Variants in EFHC1 observed in about 807,000 individuals in gnomAD.
EFHC1 encodes EF-hand domain containing 1.
In EFHC1, 53 loss-of-function variants were observed where a neutral mutation model predicts 69.9. That is an observed-to-expected ratio of 0.76 (90% CI 0.61 to 0.95). EFHC1 has a LOEUF of 0.95. EFHC1 is among the 40% of genes least tolerant of loss of function. EFHC1 has a pLI of 0.00. For missense variants in EFHC1, 739 were observed against 798.7 expected, an observed-to-expected ratio of 0.93 and a Z score of 0.90; for synonymous variants, 256 against 278.4, an observed-to-expected ratio of 0.92 and a Z score of 0.80.
intron 1 of EFHC1, chr6:52,423,695 G>A: frequency 3.3e-5 from 9 of 273,562 alleles, no homozygotes; most frequent in East Asian, 6.6e-5. Context: ...AGTTTTTGTA[G>A]AGACAGCATC....
chr6:52,452,862 G>A (rs1474712788), intron 4 of EFHC1, 25 bp downstream of exon 4: 1 of 1,613,804 alleles, frequency 6.2e-7, no homozygotes, highest in Non-Finnish European at 8.5e-7. Flanking sequence ...AACCACAATA[G>A]GCTTACTTAT....
In EFHC1 at chr6:52,479,667, A is replaced by G; in HGVS notation, c.1520A>G (p.Asp507Gly). ...TTTGGTCACCGGTTCATCATCCTTG[A>G]TACAGACGAGTATGTTTTGAAATAC... The part of the protein sequence containing the change: ...EVFGHRFIIL[D>G]TDEYVLKYME... Residue 507 changes from aspartate to glycine, a missense_variant, in exon 9 of 11, where the codon GAT (aspartate) becomes GGT (glycine). Asp to Gly is a moderately conservative substitution (Grantham distance 94, BLOSUM62 -1). Coordinates refer to ENST00000371068, the MANE Select transcript of EFHC1 (RefSeq NM_018100.4). The G allele has an allele frequency of 6.2e-7, 1 of 1,614,154 alleles. No homozygotes were observed. The highest frequency in any genetic ancestry group is 8.5e-7 in the Non-Finnish European group (1 of 1,180,034).
chr6:52,490,060 C>A, intron 9 of EFHC1, 80 bp from the exon 10 acceptor site: 1 of 1,313,266 alleles, frequency 7.6e-7, no homozygotes, highest in Non-Finnish European at 1.1e-6. Flanking sequence ...CTGATTTCAT[C>A]AAGTAAGAAC....
At chr6:52,475,516 A>G (rs1765527240) in intron 7 of EFHC1, among the ~76,000 whole-genome samples, 1 of 152,232 alleles carries the variant, frequency 6.6e-6, no homozygotes, top group Non-Finnish European at 1.5e-5. Context: ...AAGAACAGAA[A>G]CATGATTTGA....
intron 3 of EFHC1, among the ~76,000 whole-genome samples, chr6:52,450,600 GT>G (rs1448364273): frequency 6.6e-6 from 1 of 151,996 alleles, no homozygotes; most frequent in Non-Finnish European, 1.5e-5. Context: ...TTTAAAGTCT[GT>G]TTTGTCTGAA....
rs938944025 is a variant in EFHC1 at position 52,494,039 on chromosome 6, G to A, written c.*1698G>A. 3 of 453,046 alleles carry A rather than the reference G, an allele frequency of 6.6e-6. No homozygotes were observed. The highest frequency in any genetic ancestry group is 6.1e-5 in the African/African-American group (3 of 49,576). 28.1% of individuals were successfully genotyped at this position (453,046 alleles called of 1,614,324 possible). On this transcript the variant is annotated 3_prime_UTR_variant, in exon 11 of 11. Transcript: ENST00000371068. Reference sequence around the variant, plus strand: ...GGTTATTATCTTGGGAATAACCCATGTTTTGTTTTGTTTTACCCTCAGTCG... The same window carrying A: ...GGTTATTATCTTGGGAATAACCCATATTTTGTTTTGTTTTACCCTCAGTCG...
rs1232095724 is a variant in EFHC1 at position 52,495,779 on chromosome 6, T to G, written c.*3438T>G. ...TAAAGTTGGCACTGTCCACATACACTCCTTAAGTTTGCTGTCCACTTCTTG... is the reference window on the plus strand; with the variant it reads ...TAAAGTTGGCACTGTCCACATACACGCCTTAAGTTTGCTGTCCACTTCTTG... On this transcript the variant is annotated 3_prime_UTR_variant, in exon 11 of 11. Transcript: ENST00000371068. 2.8e-6 allele frequency: 1 copy of G among 358,072 alleles called. No homozygotes were observed. Among genetic ancestry groups the G allele is most frequent in the South Asian group, 2.2e-5 (1 of 46,278 alleles). 22.2% of individuals were successfully genotyped at this position (358,072 alleles called of 1,614,324 possible). A position where few individuals can be genotyped will look rare whatever the true frequency, so the allele number is the denominator to read the frequency against.
rs766568639 is a variant in EFHC1, at chr6:52,464,938, G to A, written c.960G>A (p.Val320=). Residue 320 remains valine (V), a synonymous_variant, in exon 6 of 11, where the codon GTG becomes GTA. Coordinates refer to ENST00000371068, the MANE Select transcript of EFHC1 (RefSeq NM_018100.4). Reference sequence around the variant, plus strand: ...TGCTAGAAATCTCTGACCAAGAAGTGTTGGAATGGTATACTGCTAAAGACT... The same window carrying A: ...TGCTAGAAATCTCTGACCAAGAAGTATTGGAATGGTATACTGCTAAAGACT... The part of the protein sequence containing the change: ...QCVLEISDQE[V]LEWYTAKDFI... 6 of 1,614,026 alleles carry A rather than the reference G, an allele frequency of 3.7e-6. No individual in the cohort carries two copies. Among genetic ancestry groups the A allele is most frequent in the Non-Finnish European group, 4.2e-6 (5 of 1,180,016 alleles).
intron 5 of EFHC1, among the ~76,000 whole-genome samples, chr6:52,462,992 TAA>T (rs1216506720): frequency 6.6e-6 from 1 of 151,194 alleles, no homozygotes; most frequent in African/African-American, 2.4e-5. Flanking sequence ...GTAAAATGAG[TAA>T]AGTTTTTTTT....
chr6:52,454,827 C>A (rs1349458057), intron 5 of EFHC1, among the ~76,000 whole-genome samples: 1 of 152,172 alleles, frequency 6.6e-6, no homozygotes, highest in Non-Finnish European at 1.5e-5. Flanking sequence ...CATGATGGCT[C>A]ACTCCTGTAA....
In EFHC1 at chr6:52,493,295, G is replaced by C. The variant is rs1211533318; in HGVS notation, c.*954G>C. On this transcript the variant is annotated 3_prime_UTR_variant, in exon 11 of 11. Transcript: ENST00000371068. ...CTCCAGCTTGCCAATTTACCCTGCA[G>C]ATCTTGGGACTTGTAAGCCTTCATA... 2 of 448,342 alleles carry C rather than the reference G, an allele frequency of 4.5e-6. No homozygotes were observed. The highest frequency in any genetic ancestry group is 1.6e-5 in the South Asian group (1 of 64,106). 27.8% of individuals were successfully genotyped at this position (448,342 alleles called of 1,614,324 possible).
chr6:52,490,636 G>A, intron 10 of EFHC1: 1 of 579,758 alleles, frequency 1.7e-6, no homozygotes, highest in Non-Finnish European at 3.1e-6. Context: ...AGACGATCCA[G>A]GAGGGGTGGC....
chr6:52,441,326 T>C (rs1049621173), intron 3 of EFHC1, among the ~76,000 whole-genome samples: 4 of 149,976 alleles, frequency 2.7e-5, no homozygotes, highest in African/African-American at 1.0e-4. Flanking sequence ...GTGTAAGATA[T>C]ATGGCTAGCA....
rs114159061 is a variant in EFHC1, at chr6:52,442,249, G to T, written c.573+3658G>T. ...GTTGGCTGTGGGTTTTTCATAGATG[G>T]CTCTGATTATTTTGAGGTGTGTTCC... is the stretch of plus-strand genomic sequence containing the variant. On this transcript the variant is annotated intron_variant, in intron 3 of 10. Transcript: ENST00000371068. Among the ~76,000 whole-genome samples the T allele has an allele frequency of 3.2e-3, 492 of 152,010 alleles. 2 individuals are homozygous for T. The highest frequency in any genetic ancestry group is 0.012 in the African/African-American group (481 of 41,482).
intron 3 of EFHC1, among the ~76,000 whole-genome samples, chr6:52,443,376 G>A (rs969832588): frequency 3.3e-5 from 5 of 152,158 alleles, no homozygotes; most frequent in African/African-American, 1.2e-4. Context: ...CCTATGTCCT[G>A]AATGGTATTA....
intron 7 of EFHC1, among the ~76,000 whole-genome samples, chr6:52,474,463 AAG>A (rs1317746671): frequency 6.6e-6 from 1 of 152,252 alleles, no homozygotes; most frequent in Non-Finnish European, 1.5e-5. Flanking sequence ...ACTCTTTACT[AAG>A]AGAGTATACC....
At chr6:52,476,453 A>G (rs1765547426) in intron 7 of EFHC1, among the ~76,000 whole-genome samples, 1 of 152,226 alleles carries the variant, frequency 6.6e-6, no homozygotes, top group African/African-American at 2.4e-5. Flanking sequence ...CTTTGAGGAG[A>G]AACAGGATTC....
At chr6:52,420,768 T>TA (rs1764172500) in intron 1 of EFHC1, among the ~76,000 whole-genome samples, 1 of 152,116 alleles carries the variant, frequency 6.6e-6, no homozygotes, top group African/African-American at 2.4e-5. Flanking sequence ...CGTTCTTTCT[T>TA]ACGGCCCTGC....
chr6:52,479,820 C>T lies in EFHC1; in HGVS notation c.1640+33C>T, dbSNP rs1244487892. ...TTTGATTGCTAGGGTTTGGCACACT[C>T]AAGATATTCAGGAAGTAATTCTTGA... On this transcript the variant is annotated intron_variant, in intron 9 of 10. Coordinates refer to ENST00000371068, the MANE Select transcript of EFHC1 (RefSeq NM_018100.4). 6 of 1,612,230 alleles carry T rather than the reference C, an allele frequency of 3.7e-6. No individual in the cohort carries two copies. The Admixed American group carries it at 6.7e-5, about 18-fold the overall frequency.
Sources: allele counts gnomAD v4.1 joint callset (sites outside exome capture counted in the v4.1 genomes callset), GRCh38; gene constraint gnomAD v4.1.1; transcripts MANE v1.5; gene names NCBI Gene and HGNC (gene_info 2026-07-23, HGNC 2026-07-21).